Variants in TNKS observed in about 807,000 individuals in gnomAD.
TNKS encodes tankyrase, also known as poly [ADP-ribose] polymerase tankyrase-1.
TNKS carries 72 observed loss-of-function variants against 135.8 expected under a neutral mutation model. The observed-to-expected ratio is 0.53, with a 90% CI of 0.44 to 0.64. The LOEUF (loss-of-function observed/expected upper bound fraction) is 0.64, where lower values mean the gene tolerates loss of function less well. Among genes scored for constraint, TNKS ranks in the 30% least tolerant of loss-of-function variants. TNKS has a pLI of 0.00. For synonymous variants in TNKS, 849 were observed against 649.3 expected, an observed-to-expected ratio of 1.31 and a Z score of -4.68; for missense variants, 1,769 against 1,674.0, an observed-to-expected ratio of 1.06 and a Z score of -0.99.
chr8:9,587,431 G>A (rs558768247), intron 2 of TNKS, among the ~76,000 whole-genome samples: 2 of 145,456 alleles, frequency 1.4e-5, no homozygotes, highest in African/African-American at 5.1e-5. Flanking sequence ...ATGGAGTCTC[G>A]CTCTGTCGCC....
Position 9,734,883 on chromosome 8 carries a change from A to G in TNKS, c.2332A>G (p.Lys778Glu), listed in dbSNP as rs1273034367. The change falls in exon 16 of 27, where the codon AAA becomes GAA. Residue 778 changes from lysine to glutamate, a missense_variant. Coordinates refer to ENST00000310430, the MANE Select transcript of TNKS (RefSeq NM_003747.3). ...LLLKHGADPT[K>E]KNRDGNTPLD... ...TTTGTAGCATGGAGCAGATCCAACT[A>G]AAAAGAACAGAGATGGAAATACACC... The G allele has an allele frequency of 6.2e-7, 1 of 1,614,028 alleles. No individual in the cohort carries two copies. Among genetic ancestry groups the G allele is most frequent in the Admixed American group, 1.7e-5 (1 of 60,018 alleles).
At position 9,556,241 on chromosome 8, in the gene TNKS, C is replaced by T. The variant is rs748780132; in HGVS notation, c.302C>T (p.Ala101Val). The change falls in exon 1 of 27, where the codon GCC becomes GTC. Residue 101 changes from alanine (A) to valine (V), a missense_variant. Around this residue, in one of 5 missense-constraint regions of TNKS, gnomAD observed 450 missense variants for 304.9 expected, o/e 1.48. Transcript: ENST00000310430. Reference sequence around the variant, plus strand: ...ACCAGCACAATCTGTACCGTCGCCGCCGCTCCCGTGGTCCCAGCGGTTTCT... The same window carrying T: ...ACCAGCACAATCTGTACCGTCGCCGTCGCTCCCGTGGTCCCAGCGGTTTCT... ...STTSTICTVA[A>V]APVVPAVSTS... is the part of the protein sequence containing the mutation. 3 of 1,614,124 alleles carry T rather than the reference C, an allele frequency of 1.9e-6. No individual in the cohort carries two copies. The Admixed American group carries it at 5.0e-5, about 27-fold the overall frequency.
intron 3 of TNKS, among the ~76,000 whole-genome samples, chr8:9,627,672 C>G (rs1563127336): frequency 6.6e-6 from 1 of 152,040 alleles, no homozygotes; most frequent in East Asian, 1.9e-4. Context: ...AGAGGCAAAA[C>G]TGTTTGTTTG....
At chr8:9,707,594 C>G (rs567624616) in intron 8 of TNKS, among the ~76,000 whole-genome samples, 1 of 152,112 alleles carries the variant, frequency 6.6e-6, no homozygotes, top group Admixed American at 6.5e-5. Context: ...AGGTCATCTT[C>G]TGAATATATT....
chr8:9,562,507 T>C (rs1159453194), intron 1 of TNKS, among the ~76,000 whole-genome samples: 1 of 152,202 alleles, frequency 6.6e-6, no homozygotes, highest in Non-Finnish European at 1.5e-5. Flanking sequence ...TCTTATGCTG[T>C]GTGTGGCATT....
At chr8:9,683,012 A>G (rs1204347808) in intron 5 of TNKS, among the ~76,000 whole-genome samples, 3 of 152,032 alleles carry the variant, frequency 2.0e-5, no homozygotes, top group Non-Finnish European at 2.9e-5. Flanking sequence ...ATTAAATTAG[A>G]TAGAAAAAAT....
At chr8:9,575,796 G>A (rs1797923581) in intron 1 of TNKS, among the ~76,000 whole-genome samples, 1 of 152,184 alleles carries the variant, frequency 6.6e-6, no homozygotes, top group Non-Finnish European at 1.5e-5. Context: ...TTATCAATTT[G>A]CATGGATTTA....
At position 9,709,317 on chromosome 8, in the gene TNKS, T is replaced by C. The variant is rs148924214; in HGVS notation, c.1579-638T>C. 1.7e-4 allele frequency among the ~76,000 whole-genome samples: 26 copies of C among 152,316 alleles called. No individual in the cohort carries two copies. The Middle Eastern group carries it at 0.01, about 60-fold the overall frequency. On this transcript the variant is annotated intron_variant, in intron 9 of 26. Transcript: ENST00000310430. ...CTACACGGTGTTATGCTAGGAGATA[T>C]TCATAGCCACAGAATAAACCTGACC... is the stretch of plus-strand genomic sequence containing the variant.
intron 20 of TNKS, among the ~76,000 whole-genome samples, chr8:9,754,203 A>G (rs558604545): frequency 1.3e-5 from 2 of 152,336 alleles, no homozygotes; most frequent in Admixed American, 1.3e-4. Flanking sequence ...ACATAGACGT[A>G]TCATTTTGAG....
At chr8:9,715,311 G>A (rs561094440) in intron 11 of TNKS, among the ~76,000 whole-genome samples, 7 of 152,028 alleles carry the variant, frequency 4.6e-5, no homozygotes, top group East Asian at 1.9e-4. Context: ...GTATAGAAAC[G>A]TGGGCAAGGT....
chr8:9,708,538 G>T (rs562619756), intron 9 of TNKS, 46 bp downstream of exon 9: 8 of 1,419,578 alleles, frequency 5.6e-6, no homozygotes, highest in Non-Finnish European at 5.6e-6. Flanking sequence ...TAATAATAAC[G>T]TAAGCACAAA....
chr8:9,774,981 T>C (rs1315191569), intron 26 of TNKS, among the ~76,000 whole-genome samples: 2 of 152,320 alleles, frequency 1.3e-5, no homozygotes, highest in African/African-American at 4.8e-5. Flanking sequence ...TCTCCTGTTT[T>C]TGTCTGTCCG....
intron 5 of TNKS, among the ~76,000 whole-genome samples, chr8:9,684,365 G>A (rs191587923): frequency 9.9e-5 from 15 of 151,860 alleles, no homozygotes; most frequent in Non-Finnish European, 1.0e-4. Context: ...GTTAATTTTC[G>A]TAAGGATACC....
chr8:9,718,136 G>A lies in TNKS; in HGVS notation c.1750-2238G>A, dbSNP rs373228517. Among the ~76,000 whole-genome samples the A allele has an allele frequency of 5.3e-5, 8 of 152,004 alleles. No individual in the cohort carries two copies. In the East Asian group the frequency reaches 1.2e-3, roughly 22 times the overall value. On this transcript the variant is annotated intron_variant, in intron 11 of 26. Transcript: ENST00000310430. The stretch of plus-strand genomic sequence containing the variant: ...ATAATACTTGGAGAACCTATCATTT[G>A]TTCTTCTATCATAGATATATTAATG...
intron 1 of TNKS, among the ~76,000 whole-genome samples, chr8:9,562,142 C>G (rs548051971): frequency 6.6e-6 from 1 of 152,016 alleles, no homozygotes; most frequent in South Asian, 2.1e-4. Flanking sequence ...GAAGTTTTGT[C>G]CTTTTTTTTT....
chr8:9,656,725 G>A (rs1019339192), intron 3 of TNKS, among the ~76,000 whole-genome samples: 18 of 150,908 alleles, frequency 1.2e-4, no homozygotes, highest in African/African-American at 3.4e-4. Context: ...AGATAAACAA[G>A]TGAACAAAGG....
At chr8:9,620,805 T>G (rs1400613466) in intron 3 of TNKS, among the ~76,000 whole-genome samples, 2 of 152,260 alleles carry the variant, frequency 1.3e-5, no homozygotes, top group Admixed American at 1.3e-4. Flanking sequence ...TCAGCCTATT[T>G]GATTTCCTTC....
chr8:9,672,090 T>TA (rs1399536083), intron 3 of TNKS, among the ~76,000 whole-genome samples: 1 of 152,226 alleles, frequency 6.6e-6, no homozygotes, highest in African/African-American at 2.4e-5. Context: ...AAGTAATCCT[T>TA]ACTTTACCTC....
At chr8:9,657,330 G>A (rs1216194679) in intron 3 of TNKS, among the ~76,000 whole-genome samples, 6 of 77,556 alleles carry the variant, frequency 7.7e-5, no homozygotes, top group Admixed American at 4.4e-4. Flanking sequence ...CAGACGGGGC[G>A]GCTGGCCGGG....
Sources: allele counts gnomAD v4.1 joint callset (sites outside exome capture counted in the v4.1 genomes callset), GRCh38; gene constraint gnomAD v4.1.1; regional missense constraint gnomAD v4.1.1; transcripts MANE v1.5; gene names NCBI Gene and HGNC (gene_info 2026-07-23, HGNC 2026-07-21).